The following TRIO variants were observed in gnomAD, a reference collection of about 807,000 sequenced individuals.
TRIO encodes trio Rho guanine nucleotide exchange factor.
A neutral mutation model predicts 351.9 loss-of-function variants in TRIO; 58 were observed. The ratio of observed to expected loss-of-function variants is 0.16; its 90% CI spans 0.13 to 0.21. The LOEUF is 0.21. Ranked by LOEUF, TRIO falls within the 10% of genes least tolerant of loss-of-function variation. TRIO has a pLI of 1.00. For synonymous variants in TRIO, 1,758 were observed against 1,595.7 expected (o/e 1.10, Z -2.42); for missense variants, 3,201 against 4,027.8 (o/e 0.79, Z 5.56).
intron 4 of TRIO, among the ~76,000 whole-genome samples, chr5:14,287,705 CAGTT>C (rs61568230): frequency 0.045 from 6,921 of 152,246 alleles, 529 homozygotes; most frequent in African/African-American, 0.16. Context: ...GCCTTCGGTG[CAGTT>C]AGTTTAATGA....
chr5:14,285,648 T>G (rs1027070493), intron 3 of TRIO, among the ~76,000 whole-genome samples: 2 of 152,124 alleles, frequency 1.3e-5, no homozygotes, highest in Admixed American at 6.5e-5. Context: ...TAGCAATTGG[T>G]TTTCCAGGTT....
chr5:14,182,512 TGTG>T (rs1789851062), intron 1 of TRIO, among the ~76,000 whole-genome samples: 1 of 152,222 alleles, frequency 6.6e-6, no homozygotes. Context: ...CTAAAAATCT[TGTG>T]GTAATACATA....
intron 46 of TRIO, among the ~76,000 whole-genome samples, chr5:14,484,101 TCCATCCCCTGCACTGCAC>T (rs1372435648): frequency 2.0e-5 from 3 of 148,846 alleles, no homozygotes; most frequent in South Asian, 2.1e-4. Context: ...ACTGCACTCA[TCCATCCCCTGCACTGCAC>T]CCATCCCCTG....
chr5:14,332,093 T>C (rs1740955226), intron 10 of TRIO, among the ~76,000 whole-genome samples: 1 of 152,214 alleles, frequency 6.6e-6, no homozygotes, highest in Non-Finnish European at 1.5e-5. Flanking sequence ...GTATCTTTAC[T>C]ATCATTAGTA....
intron 29 of TRIO, among the ~76,000 whole-genome samples, chr5:14,398,475 G>C (rs551875548): frequency 2.6e-5 from 4 of 152,106 alleles, no homozygotes; most frequent in Admixed American, 1.3e-4. Context: ...GAATCAAGAC[G>C]GAGGCTGGGA....
Position 14,461,010 on chromosome 5 carries a change from C to T in TRIO, c.5204-9C>T. 1 of 1,554,314 alleles carries T rather than the reference C, an allele frequency of 6.4e-7. No homozygotes were observed. Among genetic ancestry groups the T allele is most frequent in the Non-Finnish European group, 8.7e-7 (1 of 1,147,554 alleles). On this transcript the variant is annotated splice_polypyrimidine_tract_variant and intron_variant, in intron 34 of 56. Transcript: ENST00000344204. ...AGTCAGTGATACTCCCTCTCTTTCT[C>T]CCTGGCAGACTCGCTCTCCGTCTCC...
intron 31 of TRIO, among the ~76,000 whole-genome samples, chr5:14,403,680 AGGT>A (rs1190921608): frequency 1.6e-5 from 1 of 63,398 alleles, no homozygotes; most frequent in Admixed American, 1.7e-4. Context: ...GTGAGGGTGC[AGGT>A]GGTGGTGAGG....
intron 53 of TRIO, among the ~76,000 whole-genome samples, chr5:14,500,168 A>T (rs1757180275): frequency 6.6e-6 from 1 of 152,178 alleles, no homozygotes; most frequent in Non-Finnish European, 1.5e-5. Context: ...TCTTCAGAAG[A>T]ATTATCTTAT....
intron 1 of TRIO, among the ~76,000 whole-genome samples, chr5:14,261,723 G>T (rs993660180): frequency 6.6e-6 from 1 of 152,216 alleles, no homozygotes; most frequent in Non-Finnish European, 1.5e-5. Flanking sequence ...GGAACGACAA[G>T]CCTCCCAGTT....
intron 1 of TRIO, among the ~76,000 whole-genome samples, chr5:14,217,440 TTTC>T (rs1295942138): frequency 5.3e-5 from 8 of 152,062 alleles, no homozygotes; most frequent in African/African-American, 1.7e-4. Flanking sequence ...CCATAAAGCT[TTTC>T]TTCTCCCTCG....
intron 1 of TRIO, among the ~76,000 whole-genome samples, chr5:14,153,868 G>A (rs1036254952): frequency 6.6e-6 from 1 of 152,106 alleles, no homozygotes; most frequent in African/African-American, 2.4e-5. Flanking sequence ...GTGTATACTC[G>A]TGTGTTAAGG....
chr5:14,417,070 C>T (rs898218092), intron 33 of TRIO, among the ~76,000 whole-genome samples: 6 of 152,174 alleles, frequency 3.9e-5, no homozygotes, highest in Non-Finnish European at 8.8e-5. Context: ...CAGGAAGCAC[C>T]CCAGCTCTAA....
intron 7 of TRIO, 65 bp downstream of exon 7, chr5:14,297,328 G>A: frequency 1.3e-5 from 20 of 1,526,526 alleles, no homozygotes; most frequent in Non-Finnish European, 1.8e-5. Context: ...CATGAATATT[G>A]GTGTGTGTGC....
intron 19 of TRIO, among the ~76,000 whole-genome samples, chr5:14,374,877 G>T (rs912126779): frequency 3.9e-5 from 6 of 151,946 alleles, no homozygotes; most frequent in Non-Finnish European, 4.4e-5. Context: ...TTTAGAAAAA[G>T]GTCTGGGAAA....
In TRIO at chr5:14,462,849, C is replaced by T. The variant is rs141266137; in HGVS notation, c.5591C>T (p.Ala1864Val). The T allele has an allele frequency of 1.2e-6, 2 of 1,613,366 alleles. No homozygotes were observed. The highest frequency in any genetic ancestry group is 1.7e-6 in the Non-Finnish European group (2 of 1,179,742). ...SCGEEEGEEGADAVPLPPPMA... is the reference protein window; with the variant it reads ...SCGEEEGEEGVDAVPLPPPMA... Reference sequence around the variant, plus strand: ...GGAGAAGAGGAAGGCGAGGAGGGGGCCGACGCCGTGCCCCTGCCGCCACCC... The same window carrying T: ...GGAGAAGAGGAAGGCGAGGAGGGGGTCGACGCCGTGCCCCTGCCGCCACCC... Residue 1864 changes from alanine to valine, a missense_variant, in exon 36 of 57, where the codon GCC (alanine) becomes GTC (valine). By Grantham distance (64) the Ala-to-Val change is moderately conservative. Around this residue, in one of 19 missense-constraint regions of TRIO, gnomAD observed 307 missense variants for 396.5 expected, o/e 0.77. Coordinates refer to ENST00000344204, the MANE Select transcript of TRIO (RefSeq NM_007118.4).
intron 1 of TRIO, among the ~76,000 whole-genome samples, chr5:14,154,543 G>A (rs1276605177): frequency 6.6e-6 from 1 of 152,118 alleles, no homozygotes; most frequent in Non-Finnish European, 1.5e-5. Context: ...TCTCAGGCAC[G>A]TGTCCTAGGC....
chr5:14,200,453 G>T (rs569652278), intron 1 of TRIO, among the ~76,000 whole-genome samples: 26 of 152,326 alleles, frequency 1.7e-4, no homozygotes, highest in African/African-American at 6.3e-4. Context: ...TGTAAGACAG[G>T]CATGCTTTTT....
intron 1 of TRIO, among the ~76,000 whole-genome samples, chr5:14,243,010 A>T (rs1231632486): frequency 1.3e-5 from 2 of 152,228 alleles, no homozygotes; most frequent in Non-Finnish European, 2.9e-5. Flanking sequence ...CGGCCCAGCC[A>T]GGGGGTCTCT....
At chr5:14,452,258 G>T (rs1040135816) in intron 34 of TRIO, among the ~76,000 whole-genome samples, 2 of 152,174 alleles carry the variant, frequency 1.3e-5, no homozygotes, top group African/African-American at 2.4e-5. Context: ...TCGTCTCGCC[G>T]CTCTGCTTCA....
Sources: gnomAD v4.1 joint callset for allele counts (sites outside exome capture counted in the v4.1 genomes callset) on GRCh38, gnomAD v4.1.1 for gene constraint, gnomAD v4.1.1 regional missense constraint, MANE v1.5 for transcripts, NCBI Gene and HGNC (gene_info 2026-07-23, HGNC 2026-07-21) for gene names.